Variants in RGS7 observed in about 807,000 individuals in gnomAD.
The protein encoded by RGS7 is regulator of G protein signaling 7, also known as regulator of G-protein signaling 7.
Under a neutral mutation model 81.1 loss-of-function variants are expected in RGS7, and 27 were observed. The observed-to-expected ratio is 0.33, with a 90% CI of 0.25 to 0.46. RGS7 has a LOEUF of 0.46. Among genes scored for constraint, RGS7 ranks in the 20% least tolerant of loss-of-function variants. RGS7 has a pLI of 1.00. For missense variants in RGS7, 396 were observed against 607.4 expected (o/e 0.65, Z 3.66); for synonymous variants, 208 against 207.7 (o/e 1.00, Z -0.01).
chr1:241,315,107 C>CTTT (rs5782184), intron 2 of RGS7, among the ~76,000 whole-genome samples: 14,367 of 57,320 alleles, frequency 0.25, 3,235 homozygotes, highest in East Asian at 0.39. Flanking sequence ...TCTTCTTCTT[C>CTTT]TTTTTTTTTT....
At chr1:240,912,137 C>G (rs1431371031) in intron 6 of RGS7, among the ~76,000 whole-genome samples, 1 of 105,924 alleles carries the variant, frequency 9.4e-6, no homozygotes, top group Admixed American at 1.6e-4. Context: ...GGCGACACAG[C>G]GAGATTCTGT....
At chr1:241,235,429 C>T (rs1028852690) in intron 2 of RGS7, among the ~76,000 whole-genome samples, 1 of 152,146 alleles carries the variant, frequency 6.6e-6, no homozygotes, top group Non-Finnish European at 1.5e-5. Context: ...AGGCAGGAAC[C>T]AGGCAGCTCT....
chr1:240,910,259 G>A (rs554123351), intron 6 of RGS7, among the ~76,000 whole-genome samples: 17 of 152,286 alleles, frequency 1.1e-4, no homozygotes, highest in African/African-American at 2.9e-4. Context: ...TGTGGAACAC[G>A]GTTTGTATGT....
At chr1:241,202,011 G>GACACACACACACACACACACACAC (rs60399497) in intron 2 of RGS7, among the ~76,000 whole-genome samples, 1 of 144,970 alleles carries the variant, frequency 6.9e-6, no homozygotes, top group African/African-American at 2.6e-5. Flanking sequence ...GACACACACA[G>GACACACACACACACACACACACAC]ACACACACAC....
chr1:241,167,171 G>A (rs148755075), intron 2 of RGS7, among the ~76,000 whole-genome samples: 13 of 152,292 alleles, frequency 8.5e-5, no homozygotes, highest in Non-Finnish European at 1.3e-4. Context: ...CTGGACTTCA[G>A]TTCAGATGCA....
intron 18 of RGS7, 21 bp from the exon 19 acceptor site, chr1:240,776,234 A>G (rs760639550): frequency 1.9e-6 from 3 of 1,581,904 alleles, no homozygotes; most frequent in Admixed American, 1.7e-5. Flanking sequence ...ATATAAAACA[A>G]GAGAAAAGAA....
At chr1:241,162,868 G>C (rs144588850) in intron 2 of RGS7, among the ~76,000 whole-genome samples, 7 of 152,304 alleles carry the variant, frequency 4.6e-5, no homozygotes, top group Middle Eastern at 6.8e-3. Flanking sequence ...TTGAAGTAAG[G>C]CAGTCTGACT....
intron 2 of RGS7, among the ~76,000 whole-genome samples, chr1:241,232,694 G>A (rs969807047): frequency 6.6e-6 from 1 of 150,948 alleles, no homozygotes; most frequent in Non-Finnish European, 1.5e-5. Flanking sequence ...AAAAGGCCTG[G>A]GGGGAGCTTA....
intron 4 of RGS7, among the ~76,000 whole-genome samples, chr1:240,963,187 CAA>C (rs1344166356): frequency 5.9e-5 from 9 of 152,058 alleles, no homozygotes; most frequent in African/African-American, 1.2e-4. Flanking sequence ...ATTTAGGAGG[CAA>C]AGTCTGCACA....
At chr1:241,272,847 A>C (rs1174611969) in intron 2 of RGS7, among the ~76,000 whole-genome samples, 1 of 152,156 alleles carries the variant, frequency 6.6e-6, no homozygotes, top group Non-Finnish European at 1.5e-5. Flanking sequence ...TAAACCCATC[A>C]AAAAAATTCT....
chr1:240,918,082 C>T (rs1033612757), intron 6 of RGS7, among the ~76,000 whole-genome samples: 1 of 152,080 alleles, frequency 6.6e-6, no homozygotes, highest in African/African-American at 2.4e-5. Context: ...ATGTGCTTAA[C>T]GACAGAGCAT....
intron 4 of RGS7, among the ~76,000 whole-genome samples, chr1:240,978,219 T>C (rs74791162): frequency 1.3e-3 from 204 of 152,286 alleles, no homozygotes; most frequent in African/African-American, 4.7e-3. Context: ...GTAGAGTCCT[T>C]CATGCCAGAG....
chr1:241,264,416 G>A (rs564958154), intron 2 of RGS7, among the ~76,000 whole-genome samples: 1 of 152,218 alleles, frequency 6.6e-6, no homozygotes, highest in African/African-American at 2.4e-5. Context: ...AGGATCACTT[G>A]AACCTGGGAG....
chr1:241,316,621 G>A (rs2080893955), intron 2 of RGS7, among the ~76,000 whole-genome samples: 1 of 152,160 alleles, frequency 6.6e-6, no homozygotes, highest in African/African-American at 2.4e-5. Context: ...ACTTGGTCCT[G>A]GTGTATGATC....
At chr1:241,312,678 C>A (rs2148563832) in intron 2 of RGS7, among the ~76,000 whole-genome samples, 1 of 152,274 alleles carries the variant, frequency 6.6e-6, no homozygotes, top group East Asian at 1.9e-4. Context: ...ACTCCTCGGG[C>A]CCCTCTATTC....
At chr1:240,857,417 G>C (rs374330067) in intron 9 of RGS7, among the ~76,000 whole-genome samples, 1 of 152,000 alleles carries the variant, frequency 6.6e-6, no homozygotes, top group African/African-American at 2.4e-5. Context: ...GCTTGCATTG[G>C]GGTTCACTCT....
In RGS7 at chr1:240,842,199, ATT is replaced by A. The variant is rs568381066; in HGVS notation, c.610-15029_610-15028del. ...TGATTTCAGATTATGTTTGTCAGGAATTTTTTTTTTTTTTTTTGAGACAGAGT... is the reference window on the plus strand; with the variant it reads ...TGATTTCAGATTATGTTTGTCAGGAATTTTTTTTTTTTTTTGAGACAGAGT... On this transcript the variant is annotated intron_variant, in intron 9 of 18. Transcript: ENST00000440928. Among the ~76,000 whole-genome samples the A allele has an allele frequency of 6.4e-5, 5 of 78,702 alleles. No individual in the cohort carries two copies. The South Asian group carries it at 1.4e-3, about 22-fold the overall frequency. 51.6% of individuals were successfully genotyped at this position (78,702 alleles called of 152,430 possible).
At chr1:240,934,288 A>G (rs1457799736) in intron 5 of RGS7, among the ~76,000 whole-genome samples, 5 of 152,188 alleles carry the variant, frequency 3.3e-5, no homozygotes, top group African/African-American at 9.7e-5. Flanking sequence ...TAGACTCCCA[A>G]TCATTCACTG....
chr1:241,351,276 A>T (rs1271642995), intron 2 of RGS7, among the ~76,000 whole-genome samples: 1 of 151,898 alleles, frequency 6.6e-6, no homozygotes, highest in Non-Finnish European at 1.5e-5. Context: ...AAAATTATAC[A>T]GGCATCATGG....
Sources: gnomAD v4.1 joint callset for allele counts (sites outside exome capture counted in the v4.1 genomes callset) on GRCh38, gnomAD v4.1.1 for gene constraint, MANE v1.5 for transcripts, NCBI Gene and HGNC (gene_info 2026-07-23, HGNC 2026-07-21) for gene names.